The following GRM8 variants were observed in gnomAD, a reference collection of about 807,000 sequenced individuals.
GRM8 encodes the protein metabotropic glutamate receptor 8.
A neutral mutation model predicts 87.2 loss-of-function variants in GRM8; 47 were observed. That is an observed-to-expected ratio of 0.54 (90% CI 0.43 to 0.69). The LOEUF (loss-of-function observed/expected upper bound fraction) is 0.69. Ranked by LOEUF, GRM8 falls within the 30% of genes least tolerant of loss-of-function variation. GRM8 has a pLI of 0.00. For missense variants in GRM8, 1,019 were observed against 1,139.2 expected (o/e 0.89, Z 1.52); for synonymous variants, 396 against 404.5 (o/e 0.98, Z 0.25).
intron 7 of GRM8, among the ~76,000 whole-genome samples, chr7:126,641,854 CACATG>C (rs1306282998): frequency 6.6e-6 from 1 of 152,028 alleles, no homozygotes; most frequent in African/African-American, 2.4e-5. Flanking sequence ...GGATCCAAAG[CACATG>C]TCTCTTGTGG....
chr7:126,666,167 G>A (rs1209315307), intron 7 of GRM8, among the ~76,000 whole-genome samples: 2 of 152,170 alleles, frequency 1.3e-5, no homozygotes, highest in Non-Finnish European at 2.9e-5. Flanking sequence ...GAGTTGAATG[G>A]CTATTCCAAA....
chr7:126,892,497 T>C (rs1284031700), intron 6 of GRM8, among the ~76,000 whole-genome samples: 4 of 152,064 alleles, frequency 2.6e-5, no homozygotes, highest in Non-Finnish European at 4.4e-5. Flanking sequence ...TAGTATTCCA[T>C]GGTGTATATG....
intron 9 of GRM8, among the ~76,000 whole-genome samples, chr7:126,503,136 G>A (rs2150705532): frequency 6.6e-6 from 1 of 152,074 alleles, no homozygotes; most frequent in Non-Finnish European, 1.5e-5. Context: ...ATCTGGGATT[G>A]CTAGCCTTCA....
intron 3 of GRM8, among the ~76,000 whole-genome samples, chr7:127,060,120 T>C (rs1820461735): frequency 6.6e-6 from 1 of 152,230 alleles, no homozygotes; most frequent in South Asian, 2.1e-4. Context: ...ATTTCAGTCC[T>C]AAAAGACTTC....
rs78167416 is a variant in GRM8, at chr7:127,243,363, G to T, written c.-159C>A. 1 of 629,632 alleles carries T rather than the reference G, an allele frequency of 1.6e-6. No homozygotes were observed. Among genetic ancestry groups the T allele is most frequent in the Admixed American group, 3.0e-5 (1 of 33,202 alleles). The allele number at this position is 629,632 out of a possible 1,614,324, so 39.0% of individuals were successfully genotyped here. A position where few individuals can be genotyped will look rare whatever the true frequency, so the allele number is the denominator to read the frequency against. On this transcript the variant is annotated 5_prime_UTR_variant, in exon 2 of 11. The change creates a new upstream start codon in the 5' untranslated region. Coordinates refer to ENST00000339582, the MANE Select transcript of GRM8 (RefSeq NM_000845.3). Reference sequence around the variant, plus strand: ...AAGTTTTCTTGATTTGAATGTCACAGTGAATTTCCATCAGACCCCTAAGGT... The same window carrying T: ...AAGTTTTCTTGATTTGAATGTCACATTGAATTTCCATCAGACCCCTAAGGT...
chr7:127,160,179 C>T (rs1793009572), intron 2 of GRM8, among the ~76,000 whole-genome samples: 1 of 152,008 alleles, frequency 6.6e-6, no homozygotes, highest in South Asian at 2.1e-4. Context: ...AAACCCCAGC[C>T]ACCAATATAC....
intron 7 of GRM8, among the ~76,000 whole-genome samples, chr7:126,690,687 T>C (rs1056204809): frequency 6.6e-6 from 1 of 152,126 alleles, no homozygotes; most frequent in African/African-American, 2.4e-5. Flanking sequence ...TTGTCCCACA[T>C]CCAGGAAGAA....
intron 6 of GRM8, among the ~76,000 whole-genome samples, chr7:126,851,970 G>A: frequency 6.6e-6 from 1 of 152,166 alleles, no homozygotes; most frequent in East Asian, 1.9e-4. Flanking sequence ...TTGCTCGAGT[G>A]CTGTATTGCC....
At chr7:126,458,922 C>T (rs777986483) in intron 9 of GRM8, among the ~76,000 whole-genome samples, 32 of 150,062 alleles carry the variant, frequency 2.1e-4, no homozygotes, top group Non-Finnish European at 3.6e-4. Context: ...CTAAGTGGTG[C>T]TTGAAGGAAA....
chr7:126,691,754 G>A (rs959595727), intron 7 of GRM8, among the ~76,000 whole-genome samples: 2 of 152,176 alleles, frequency 1.3e-5, no homozygotes, highest in African/African-American at 4.8e-5. Flanking sequence ...GAGGGTAAGA[G>A]TGGAGCAGAT....
At chr7:126,835,653 A>C (rs1230410333) in intron 6 of GRM8, among the ~76,000 whole-genome samples, 1 of 152,258 alleles carries the variant, frequency 6.6e-6, no homozygotes, top group African/African-American at 2.4e-5. Flanking sequence ...GTTAAGATTT[A>C]TTATGGATTT....
intron 2 of GRM8, among the ~76,000 whole-genome samples, chr7:127,161,591 G>A (rs578152157): frequency 6.6e-6 from 1 of 152,162 alleles, no homozygotes; most frequent in Non-Finnish European, 1.5e-5. Flanking sequence ...CATGTGTACA[G>A]TAGAGCTGCT....
chr7:126,737,426 G>A (rs889553939), intron 7 of GRM8, among the ~76,000 whole-genome samples: 1 of 151,884 alleles, frequency 6.6e-6, no homozygotes, highest in Non-Finnish European at 1.5e-5. Flanking sequence ...TCTGATCCCC[G>A]AATGCTCAGA....
intron 9 of GRM8, among the ~76,000 whole-genome samples, chr7:126,490,941 G>C (rs1473272593): frequency 6.6e-6 from 1 of 152,030 alleles, no homozygotes; most frequent in East Asian, 1.9e-4. Context: ...ACAGAATCCT[G>C]AATGTGAGTA....
chr7:126,573,713 T>C (rs867618387), intron 8 of GRM8, among the ~76,000 whole-genome samples: 2 of 151,980 alleles, frequency 1.3e-5, no homozygotes, highest in Non-Finnish European at 1.5e-5. Flanking sequence ...GCCTCTCAAG[T>C]AGCTTGGACT....
At chr7:126,452,806 A>G (rs1239536569) in intron 9 of GRM8, among the ~76,000 whole-genome samples, 1 of 151,758 alleles carries the variant, frequency 6.6e-6, no homozygotes, top group Admixed American at 6.6e-5. Flanking sequence ...TGCCCTCAAA[A>G]CAAGTTAACT....
At chr7:126,592,731 C>G (rs1405646339) in intron 8 of GRM8, among the ~76,000 whole-genome samples, 1 of 151,784 alleles carries the variant, frequency 6.6e-6, no homozygotes, top group Non-Finnish European at 1.5e-5. Flanking sequence ...CGCTTTTTCT[C>G]TAAGATCTAG....
chr7:126,792,511 A>T (rs1821463839), intron 6 of GRM8, among the ~76,000 whole-genome samples: 1 of 152,206 alleles, frequency 6.6e-6, no homozygotes, highest in African/African-American at 2.4e-5. Flanking sequence ...CACTGGCTTA[A>T]ACTGTAAGCA....
At chr7:126,524,241 C>T (rs563253325) in intron 9 of GRM8, among the ~76,000 whole-genome samples, 21 of 152,114 alleles carry the variant, frequency 1.4e-4, no homozygotes, top group Non-Finnish European at 2.6e-4. Context: ...ATCTGACATG[C>T]CTTTTTTTGG....
Sources: gnomAD v4.1 joint callset for allele counts (sites outside exome capture counted in the v4.1 genomes callset) on GRCh38, gnomAD v4.1.1 for gene constraint, MANE v1.5 for transcripts, NCBI Gene and HGNC (gene_info 2026-07-23, HGNC 2026-07-21) for gene names.